PUS7L: variants seen among roughly 807,000 people sequenced by gnomAD.
The protein encoded by PUS7L is pseudouridine synthase 7 like.
PUS7L carries 49 observed loss-of-function variants against 51.1 expected under a neutral mutation model. That is an observed-to-expected ratio of 0.96 (90% confidence interval 0.76 to 1.22). The LOEUF is 1.22. Among genes scored for constraint, PUS7L ranks in the 50% most tolerant of loss-of-function variants. The pLI is 0.00. For synonymous variants in PUS7L, 277 were observed against 276.2 expected (o/e 1.00, Z -0.03); for missense variants, 828 against 820.6 (o/e 1.01, Z -0.11).
Position 43,729,281 on chromosome 12 carries a change from TAAC to T in PUS7L, c.*1092_*1094del. The T allele has an allele frequency of 2.5e-6, 1 of 397,562 alleles. No individual in the cohort carries two copies. Among genetic ancestry groups the T allele is most frequent in the Non-Finnish European group, 4.4e-6 (1 of 225,300 alleles). The allele number at this position is 397,562 out of a possible 1,614,324, so 24.6% of individuals were successfully genotyped here. A position where few individuals can be genotyped will look rare whatever the true frequency, so the allele number is the denominator to read the frequency against. The stretch of plus-strand genomic sequence containing the variant: ...TCTTTTGGATTTTATTTCCTAATGC[TAAC>T]ATTTCCCAAAATGGTTAAACTGGCT... On this transcript the variant is annotated 3_prime_UTR_variant, in exon 9 of 9. Transcript: ENST00000344862.
intron 6 of PUS7L, 30 bp downstream of exon 6, chr12:43,738,280 G>A (rs1937711313): frequency 9.1e-7 from 1 of 1,098,612 alleles, no homozygotes; most frequent in Non-Finnish European, 1.4e-6. Context: ...TATCTGCATG[G>A]TTATGTACAG....
At chr12:43,758,664 CCCACACACACA>C in intron 1 of PUS7L, 55 bp downstream of exon 1, 4 of 713,952 alleles carry the variant, frequency 5.6e-6, no homozygotes, top group Non-Finnish European at 6.4e-6. Flanking sequence ...ACCCCCCCCC[CCCACACACACA>C]CACACACACA....
At chr12:43,751,625 CTT>C (rs1412775852) in intron 2 of PUS7L, among the ~76,000 whole-genome samples, 1 of 152,074 alleles carries the variant, frequency 6.6e-6, no homozygotes, top group African/African-American at 2.4e-5. Context: ...GGTTCCAAGT[CTT>C]TGCTATTCTG....
At chr12:43,749,997 C>A (rs1334436062) in intron 2 of PUS7L, among the ~76,000 whole-genome samples, 2 of 152,150 alleles carry the variant, frequency 1.3e-5, no homozygotes, top group East Asian at 3.9e-4. Flanking sequence ...CAGCATCACA[C>A]AATATACCCT....
chr12:43,722,221 TA>T lies in PUS7L; in HGVS notation c.*8154del, dbSNP rs1944405150. 1 of 152,152 alleles carries T rather than the reference TA, an allele frequency of 6.6e-6. No individual in the cohort carries two copies. The highest frequency in any genetic ancestry group is 2.4e-5 in the African/African-American group (1 of 41,432). The allele number at this position is 152,152 out of a possible 1,614,324, so 9.4% of individuals were successfully genotyped here. A position where few individuals can be genotyped will look rare whatever the true frequency, so the allele number is the denominator to read the frequency against. Reference sequence around the variant, plus strand: ...AGATTTGGGGCCATACTTGCAGGTGTAAATGTGTTATGTTGAGGGGTTTGGA... The same window carrying T: ...AGATTTGGGGCCATACTTGCAGGTGTAATGTGTTATGTTGAGGGGTTTGGA... On this transcript the variant is annotated 3_prime_UTR_variant, in exon 9 of 9. Transcript: ENST00000344862.
rs757037470 is a variant in PUS7L at position 43,731,754 on chromosome 12, T to A, written c.1730A>T (p.His577Leu). 4 of 1,566,864 alleles carry A rather than the reference T, an allele frequency of 2.6e-6. No individual in the cohort carries two copies. In the South Asian group the frequency reaches 4.6e-5, roughly 18 times the overall value. The change falls in exon 8 of 9, where the codon CAC becomes CTC. Residue 577 changes from histidine (H) to leucine (L), a missense_variant. By Grantham distance (99) the His-to-Leu change is moderately conservative. Transcript: ENST00000344862. ...TGATCCCTCCTCTTCAGTTACCAGG[T>A]GAATCTAGTTTTAAAAAACATGAAA... ...DDENFPNSKI[H>L]LVTEEEGSAN...
intron 5 of PUS7L, among the ~76,000 whole-genome samples, chr12:43,742,019 G>A (rs564310597): frequency 1.3e-5 from 2 of 152,218 alleles, no homozygotes; most frequent in Admixed American, 1.3e-4. Flanking sequence ...AGCAAATGCA[G>A]CTTCTTAGTT....
At chr12:43,750,709 A>C (rs183208321) in intron 2 of PUS7L, among the ~76,000 whole-genome samples, 113 of 152,324 alleles carry the variant, frequency 7.4e-4, no homozygotes, top group Admixed American at 2.7e-3. Context: ...AGGTACCACA[A>C]AACTGTAATC....
At position 43,719,889 on chromosome 12, in the gene PUS7L, C is replaced by G. The variant is rs1944377099; in HGVS notation, c.*10487G>C. The G allele has an allele frequency of 4.6e-5, 7 of 152,172 alleles. No homozygotes were observed. Among genetic ancestry groups the G allele is most frequent in the Admixed American group, 4.6e-4 (7 of 15,272 alleles). The allele number at this position is 152,172 out of a possible 1,614,324, so 9.4% of individuals were successfully genotyped here. On this transcript the variant is annotated 3_prime_UTR_variant, in exon 9 of 9. Coordinates refer to ENST00000344862, the MANE Select transcript of PUS7L (RefSeq NM_031292.5). ...AGTATGTCAGCTCTACTAGTATTTTCAACAAACCAACTTTTGGATTTGTAG... is the reference window on the plus strand; with the variant it reads ...AGTATGTCAGCTCTACTAGTATTTTGAACAAACCAACTTTTGGATTTGTAG...
At chr12:43,738,170 TA>T in intron 6 of PUS7L, 139 bp downstream of exon 6, 1 of 593,334 alleles carries the variant, frequency 1.7e-6, no homozygotes, top group Non-Finnish European at 3.0e-6. Context: ...AGTCATGTAA[TA>T]AAAGTGTTCA....
Position 43,754,788 on chromosome 12 carries a change from T to C in PUS7L, c.458A>G (p.Glu153Gly). 2 of 1,613,970 alleles carry C rather than the reference T, an allele frequency of 1.2e-6. No individual in the cohort carries two copies. Among genetic ancestry groups the C allele is most frequent in the Non-Finnish European group, 1.7e-6 (2 of 1,179,900 alleles). Residue 153 changes from glutamate (E) to glycine (G), a missense_variant, in exon 2 of 9, where the codon GAG (glutamate) becomes GGG (glycine). Glu to Gly is a moderately conservative substitution (Grantham distance 98, BLOSUM62 -2). Coordinates refer to ENST00000344862, the MANE Select transcript of PUS7L (RefSeq NM_031292.5). ...GAATTCAGGAGGTAGTCCAATTAGC[T>C]CTGTTTTAGAAAGCCACTTCTCTCT... ...DVREKWLSKT[E>G]LIGLPPEFSI...
chr12:43,735,562 C>T (rs1203332705), intron 7 of PUS7L, among the ~76,000 whole-genome samples: 1 of 151,442 alleles, frequency 6.6e-6, no homozygotes, highest in Non-Finnish European at 1.5e-5. Context: ...CATATTCCTT[C>T]TCCTCTCCAT....
At chr12:43,751,794 A>G (rs1429059688) in intron 2 of PUS7L, among the ~76,000 whole-genome samples, 1 of 152,166 alleles carries the variant, frequency 6.6e-6, no homozygotes, top group Non-Finnish European at 1.5e-5. Context: ...CAATGGTTGA[A>G]CTAGTTTACA....
In PUS7L at chr12:43,730,412, G is replaced by A. The variant is rs751446714; in HGVS notation, c.2070C>T (p.Thr690=). 3.7e-6 allele frequency: 6 copies of A among 1,613,546 alleles called. No individual in the cohort carries two copies. The highest frequency in any genetic ancestry group is 1.1e-5 in the South Asian group (1 of 91,052). The change falls in exon 9 of 9, where the codon ACC becomes ACT. Residue 690 remains threonine (T), a synonymous_variant. Transcript: ENST00000344862. ...GCTTCATTATTTCCTTCAGACAAAC[G>A]GTAGCATAGCATGAAGCATCAAGAT... ...SFDLDASCYA[T]VCLKEIMKHD...
At chr12:43,737,023 G>A (rs574148396) in intron 6 of PUS7L, among the ~76,000 whole-genome samples, 1 of 152,270 alleles carries the variant, frequency 6.6e-6, no homozygotes, top group South Asian at 2.1e-4. Flanking sequence ...TAATTGCTGA[G>A]CTAGCAGAGG....
In PUS7L at chr12:43,754,591, A is replaced by G. The variant is rs1565646426; in HGVS notation, c.655T>C (p.Phe219Leu). Reference protein sequence around the residue: ...LVSEEEAFDFFKYLDAKKENS... With the variant: ...LVSEEEAFDFLKYLDAKKENS... ...TCTTTCTTTGCATCCAAATATTTAAAAAAGTCAAATGCTTCCTCTTCAGAT... is the reference window on the plus strand; with the variant it reads ...TCTTTCTTTGCATCCAAATATTTAAGAAAGTCAAATGCTTCCTCTTCAGAT... The change falls in exon 2 of 9, where the codon TTT becomes CTT. Residue 219 changes from phenylalanine to leucine, a missense_variant. Transcript: ENST00000344862. 1 of 1,610,416 alleles carries G rather than the reference A, an allele frequency of 6.2e-7. No individual in the cohort carries two copies.
At chr12:43,732,278 T>TA (rs869104501) in intron 7 of PUS7L, among the ~76,000 whole-genome samples, 2 of 151,596 alleles carry the variant, frequency 1.3e-5, no homozygotes, top group South Asian at 2.1e-4. Context: ...CCTGTCTATA[T>TA]AAAAAAAAAT....
chr12:43,753,618 C>G (rs530312794), intron 2 of PUS7L, among the ~76,000 whole-genome samples: 2 of 152,212 alleles, frequency 1.3e-5, no homozygotes, highest in African/African-American at 4.8e-5. Flanking sequence ...GCCAATTAAA[C>G]CTAGTCAGCT....
intron 1 of PUS7L, chr12:43,758,304 G>GC (rs1167249165): frequency 8.1e-6 from 8 of 985,342 alleles, no homozygotes; most frequent in Non-Finnish European, 9.6e-6. Context: ...CAGCAAAGGA[G>GC]CCCACGTGGC....
Sources: gnomAD v4.1 joint callset for allele counts (sites outside exome capture counted in the v4.1 genomes callset) on GRCh38, gnomAD v4.1.1 for gene constraint, MANE v1.5 for transcripts, NCBI Gene and HGNC (gene_info 2026-07-23, HGNC 2026-07-21) for gene names.